SHLD1: variants seen among roughly 807,000 people sequenced by gnomAD.
SHLD1 encodes the protein shieldin complex subunit 1.
In SHLD1, 3 loss-of-function variants were observed where a neutral mutation model predicts 5.5. The ratio of observed to expected loss-of-function variants is 0.54; its 90% confidence interval spans 0.25 to 1.40. SHLD1 has a LOEUF of 1.40. SHLD1 is among the 40% of genes most tolerant of loss of function. The pLI is 0.15. For synonymous variants in SHLD1, 92 were observed against 94.3 expected (o/e 0.98, Z 0.14); for missense variants, 210 against 244.4 (o/e 0.86, Z 0.94).
At position 5,752,712 on chromosome 20, in the gene SHLD1, G is replaced by A. The variant is rs538532677; in HGVS notation, c.-5+2233G>A. ...GCTCACTGCAACCTCTGCTTCCCAG[G>A]TTCAAGCAGTTCTCCGTCTCAGCTT... is the stretch of plus-strand genomic sequence containing the variant. On this transcript the variant is annotated intron_variant, in intron 1 of 2. Coordinates refer to ENST00000303142, the MANE Select transcript of SHLD1 (RefSeq NM_152504.4). Among the ~76,000 whole-genome samples, 181 of 151,136 alleles carry A rather than the reference G, an allele frequency of 1.2e-3. 1 individual carries two copies. The highest frequency in any genetic ancestry group is 4.2e-3 in the African/African-American group (171 of 40,970).
At chr20:5,821,377 G>A (rs1055371494) in intron 2 of SHLD1, among the ~76,000 whole-genome samples, 6 of 152,150 alleles carry the variant, frequency 3.9e-5, no homozygotes, top group Non-Finnish European at 8.8e-5. Flanking sequence ...GCCGGGCGTG[G>A]TGGTGTGCAC....
intron 2 of SHLD1, among the ~76,000 whole-genome samples, chr20:5,838,653 C>T (rs945892246): frequency 2.0e-5 from 3 of 152,156 alleles, no homozygotes; most frequent in South Asian, 2.1e-4. Flanking sequence ...CCCAGCTACT[C>T]GGGAGGCTGA....
chr20:5,766,828 C>A (rs1344038520), intron 1 of SHLD1, among the ~76,000 whole-genome samples: 1 of 152,110 alleles, frequency 6.6e-6, no homozygotes, highest in African/African-American at 2.4e-5. Context: ...TGGTCTTGAA[C>A]TCTTGGCCTC....
In SHLD1 at chr20:5,778,419, G is replaced by A. The variant is rs139800946; in HGVS notation, c.178+5376G>A. Among the ~76,000 whole-genome samples the A allele has an allele frequency of 5.4e-3, 820 of 151,018 alleles. 10 individuals are homozygous for A. The highest frequency in any genetic ancestry group is 0.019 in the African/African-American group (775 of 41,192). The stretch of plus-strand genomic sequence containing the variant: ...GGAGTTTGAGACCAGCCTGGACAAC[G>A]TAGCAAAACCCTGTCTCTACTAAAA... On this transcript the variant is annotated intron_variant, in intron 2 of 2. Transcript: ENST00000303142.
intron 2 of SHLD1, among the ~76,000 whole-genome samples, chr20:5,807,678 A>T (rs1188057687): frequency 6.6e-6 from 1 of 152,198 alleles, no homozygotes; most frequent in African/African-American, 2.4e-5. Context: ...TTGGCAAAAC[A>T]TTAACCCTAG....
intron 2 of SHLD1, among the ~76,000 whole-genome samples, chr20:5,851,661 A>G (rs1479483042): frequency 6.6e-6 from 1 of 151,988 alleles, no homozygotes; most frequent in African/African-American, 2.4e-5. Context: ...AATATGTTTT[A>G]TCTAACTCAA....
chr20:5,827,762 G>T (rs527642116), intron 2 of SHLD1, among the ~76,000 whole-genome samples: 8 of 152,178 alleles, frequency 5.3e-5, no homozygotes, highest in African/African-American at 9.7e-5. Context: ...GATTTCCCTT[G>T]CCTCCAGTTA....
chr20:5,857,063 C>G (rs1045828514), intron 2 of SHLD1, among the ~76,000 whole-genome samples: 1 of 152,098 alleles, frequency 6.6e-6, no homozygotes, highest in Non-Finnish European at 1.5e-5. Flanking sequence ...CTCACTGCAA[C>G]CTCTGCCTCC....
At chr20:5,842,000 A>G (rs2122470247) in intron 2 of SHLD1, among the ~76,000 whole-genome samples, 1 of 152,378 alleles carries the variant, frequency 6.6e-6, no homozygotes, top group South Asian at 2.1e-4. Context: ...AATAGCCTTT[A>G]CAATTTTTAT....
chr20:5,833,824 G>A (rs2087759085), intron 2 of SHLD1, among the ~76,000 whole-genome samples: 1 of 151,930 alleles, frequency 6.6e-6, no homozygotes, highest in African/African-American at 2.4e-5. Flanking sequence ...CAGGTGAGGG[G>A]CGGAATAGTT....
chr20:5,851,899 G>A (rs1440920771), intron 2 of SHLD1, among the ~76,000 whole-genome samples: 1 of 151,758 alleles, frequency 6.6e-6, no homozygotes, highest in Non-Finnish European at 1.5e-5. Flanking sequence ...TCCCTGAGTA[G>A]TATTGTGTTT....
At chr20:5,808,265 C>CAAA (rs993596036) in intron 2 of SHLD1, among the ~76,000 whole-genome samples, 5 of 24,752 alleles carry the variant, frequency 2.0e-4, no homozygotes, top group Non-Finnish European at 4.8e-4. Flanking sequence ...GACTCCATCT[C>CAAA]AAAAAAAAAA....
At chr20:5,856,513 AG>A (rs143317883) in intron 2 of SHLD1, among the ~76,000 whole-genome samples, 17,188 of 152,266 alleles carry the variant, frequency 0.11, 1,140 homozygotes, top group Middle Eastern at 0.2. Flanking sequence ...GGCGTGGAGC[AG>A]GAAGATGCAG....
chr20:5,836,337 T>C (rs2122454562), intron 2 of SHLD1, among the ~76,000 whole-genome samples: 1 of 152,382 alleles, frequency 6.6e-6, no homozygotes, highest in Admixed American at 6.5e-5. Context: ...ATGTCTGATG[T>C]CAAATACTGT....
At chr20:5,755,861 A>G (rs574968025) in intron 1 of SHLD1, among the ~76,000 whole-genome samples, 1 of 152,108 alleles carries the variant, frequency 6.6e-6, no homozygotes, top group Non-Finnish European at 1.5e-5. Flanking sequence ...GTCTGGCGGG[A>G]AAAACATTTT....
At chr20:5,763,895 G>C (rs1411945292) in intron 1 of SHLD1, among the ~76,000 whole-genome samples, 2 of 147,150 alleles carry the variant, frequency 1.4e-5, no homozygotes, top group Non-Finnish European at 3.0e-5. Context: ...GATCACTTGA[G>C]GTCAGGAGTT....
intron 2 of SHLD1, among the ~76,000 whole-genome samples, chr20:5,807,791 A>G (rs2087400694): frequency 6.6e-6 from 1 of 152,214 alleles, no homozygotes; most frequent in South Asian, 2.1e-4. Context: ...GATTTCAAGC[A>G]ATGAGCTAGA....
intron 2 of SHLD1, among the ~76,000 whole-genome samples, chr20:5,788,585 GAA>G (rs2087094410): frequency 6.6e-6 from 1 of 152,134 alleles, no homozygotes. Context: ...GCCTTACTGA[GAA>G]AAAGAATTTA....
chr20:5,824,501 A>G (rs1475103091), intron 2 of SHLD1, among the ~76,000 whole-genome samples: 2 of 152,228 alleles, frequency 1.3e-5, no homozygotes, highest in Admixed American at 1.3e-4. Flanking sequence ...TCACTCCTGT[A>G]TCTCCAGCAC....
Sources: allele counts gnomAD v4.1 joint callset (sites outside exome capture counted in the v4.1 genomes callset), GRCh38; gene constraint gnomAD v4.1.1; transcripts MANE v1.5; gene names NCBI Gene and HGNC (gene_info 2026-07-23, HGNC 2026-07-21).